CREB1: variants seen among roughly 807,000 people sequenced by gnomAD.
The protein encoded by CREB1 is cyclic AMP-responsive element-binding protein 1.
A neutral mutation model predicts 42.0 loss-of-function variants in CREB1; 2 were observed. That is an observed-to-expected ratio of 0.05 (90% CI 0.02 to 0.15). CREB1 has a LOEUF of 0.15. Ranked by LOEUF, CREB1 falls within the 10% of genes least tolerant of loss-of-function variation. The probability of loss-of-function intolerance (pLI) is 1.00; values close to 1 mark genes in which losing one functional copy is unlikely to be tolerated. For missense variants in CREB1, 199 were observed against 388.9 expected (o/e 0.51, Z 4.11); for synonymous variants, 123 against 139.9 (o/e 0.88, Z 0.85).
At chr2:207,571,622 T>G (rs1031161702) in intron 5 of CREB1, 4 of 316,046 alleles carry the variant, frequency 1.3e-5, no homozygotes, top group African/African-American at 8.9e-5. Context: ...TACCTACAAT[T>G]CTGTACGTGT....
At chr2:207,596,764 A>G (rs2086256195) in intron 7 of CREB1, 150 bp from the exon 8 acceptor site, 6 of 950,886 alleles carry the variant, frequency 6.3e-6, no homozygotes, top group South Asian at 5.2e-5. Context: ...GTAATTTCCA[A>G]GTAATTCTGT....
At position 207,555,836 on chromosome 2, in the gene CREB1, T is replaced by A. The variant is rs567278522; in HGVS notation, c.114+87T>A. On this transcript the variant is annotated intron_variant, in intron 2 of 7. Coordinates refer to ENST00000353267, the MANE Select transcript of CREB1 (RefSeq NM_004379.5). ...GAATTTAGTTGTTATTACATAGATA[T>A]ACATAGAATGAGCAGAGATACTCTT... 9.3e-5 allele frequency: 72 copies of A among 771,930 alleles called. No homozygotes were observed. In the South Asian group the frequency reaches 1.2e-3, roughly 12 times the overall value. 47.8% of individuals were successfully genotyped at this position (771,930 alleles called of 1,614,324 possible). A position where few individuals can be genotyped will look rare whatever the true frequency, so the allele number is the denominator to read the frequency against.
rs188480433 is a variant in CREB1, at chr2:207,531,161, C to T, written c.-9+1027C>T. Among the ~76,000 whole-genome samples, 3 of 152,214 alleles carry T rather than the reference C, an allele frequency of 2.0e-5. No homozygotes were observed. The East Asian group carries it at 5.8e-4, about 29-fold the overall frequency. On this transcript the variant is annotated intron_variant, in intron 1 of 7. Coordinates refer to ENST00000353267, the MANE Select transcript of CREB1 (RefSeq NM_004379.5). Reference sequence around the variant, plus strand: ...ACTTGAGATCTATCATTCTGAAACACTTCGTTGGAACGAGTATCAGCCGAT... The same window carrying T: ...ACTTGAGATCTATCATTCTGAAACATTTCGTTGGAACGAGTATCAGCCGAT...
At chr2:207,577,036 G>T (rs2082625217) in intron 6 of CREB1, 2 of 939,404 alleles carry the variant, frequency 2.1e-6, no homozygotes, top group Non-Finnish European at 2.5e-6. Flanking sequence ...TATAATAGTT[G>T]ACCATAATGC....
intron 7 of CREB1, among the ~76,000 whole-genome samples, chr2:207,579,245 T>A (rs966170773): frequency 6.6e-6 from 1 of 152,136 alleles, no homozygotes; most frequent in African/African-American, 2.4e-5. Context: ...TTTAAAAATG[T>A]TTATAAGGAA....
Position 207,604,733 on chromosome 2 carries a change from T to C in CREB1, c.*7675T>C, listed in dbSNP as rs979379647. ...CTCCAAAAGTAAAGTCCCGTTACTC[T>C]CCATTTTCTCCTCCCACCGCCCTTG... On this transcript the variant is annotated 3_prime_UTR_variant, in exon 8 of 8. Transcript: ENST00000353267. Among the ~76,000 whole-genome samples, 6 of 152,192 alleles carry C rather than the reference T, an allele frequency of 3.9e-5. No individual in the cohort carries two copies. The highest frequency in any genetic ancestry group is 5.9e-5 in the Non-Finnish European group (4 of 68,034).
intron 1 of CREB1, among the ~76,000 whole-genome samples, chr2:207,547,160 A>G (rs2081330799): frequency 6.6e-6 from 1 of 152,232 alleles, no homozygotes; most frequent in Admixed American, 6.5e-5. Flanking sequence ...TCACTCTTCC[A>G]TGTCCAATTT....
chr2:207,560,413 T>A lies in CREB1; in HGVS notation c.261+41T>A, dbSNP rs2081911194. 3 of 1,584,458 alleles carry A rather than the reference T, an allele frequency of 1.9e-6. No homozygotes were observed. The South Asian group carries it at 3.4e-5, about 18-fold the overall frequency. On this transcript the variant is annotated intron_variant, in intron 3 of 7. Transcript: ENST00000353267. ...GTTCTGCATCTATTTTAATAACTTTTGTTTATAGCCATATCTCTCTCCTTT... is the reference window on the plus strand; with the variant it reads ...GTTCTGCATCTATTTTAATAACTTTAGTTTATAGCCATATCTCTCTCCTTT...
At chr2:207,559,570 T>G (rs1462124611) in intron 2 of CREB1, among the ~76,000 whole-genome samples, 2 of 152,188 alleles carry the variant, frequency 1.3e-5, no homozygotes, top group African/African-American at 4.8e-5. Flanking sequence ...TATCCTTGAA[T>G]GTGTTCAAGC....
At chr2:207,534,882 C>G (rs527769802) in intron 1 of CREB1, among the ~76,000 whole-genome samples, 8 of 152,280 alleles carry the variant, frequency 5.3e-5, no homozygotes, top group Admixed American at 5.2e-4. Flanking sequence ...CAGTCTCCCC[C>G]TTTTTGTACA....
At chr2:207,588,523 A>G (rs1553508021) in intron 7 of CREB1, among the ~76,000 whole-genome samples, 2 of 152,180 alleles carry the variant, frequency 1.3e-5, no homozygotes, top group South Asian at 2.1e-4. Context: ...ACTTTAATGT[A>G]TATTTTATAA....
chr2:207,588,412 A>G (rs762725726), intron 7 of CREB1, among the ~76,000 whole-genome samples: 1 of 152,140 alleles, frequency 6.6e-6, no homozygotes, highest in Non-Finnish European at 1.5e-5. Flanking sequence ...CCTTTAGCCA[A>G]TACCATGTTG....
At chr2:207,564,006 AAAT>A (rs1307697621) in intron 3 of CREB1, among the ~76,000 whole-genome samples, 4 of 152,084 alleles carry the variant, frequency 2.6e-5, no homozygotes, top group Admixed American at 6.5e-5. Flanking sequence ...CTATCCTGAA[AAAT>A]AATATTATTT....
chr2:207,534,362 T>TA (rs1367388237), intron 1 of CREB1, among the ~76,000 whole-genome samples: 1 of 152,120 alleles, frequency 6.6e-6, no homozygotes, highest in Non-Finnish European at 1.5e-5. Context: ...TCAGCCTCCC[T>TA]AGTAGCTGGA....
intron 7 of CREB1, chr2:207,582,234 G>A (rs2083060247): frequency 5.9e-5 from 41 of 700,594 alleles, no homozygotes; most frequent in South Asian, 5.8e-4. Flanking sequence ...TATTTTAGAA[G>A]AAGTACTTGG....
intron 7 of CREB1, among the ~76,000 whole-genome samples, chr2:207,583,090 CTATTTACATAG>C (rs2083229155): frequency 6.6e-6 from 1 of 151,862 alleles, no homozygotes; most frequent in South Asian, 2.1e-4. Flanking sequence ...AGTATAACAA[CTATTTACATAG>C]TATTTACATT....
chr2:207,544,861 G>A (rs1559268760), intron 1 of CREB1, among the ~76,000 whole-genome samples: 1 of 152,178 alleles, frequency 6.6e-6, no homozygotes, highest in African/African-American at 2.4e-5. Context: ...TGAGGATAAA[G>A]GCCTCCAGCT....
chr2:207,582,194 A>C, intron 7 of CREB1: 1 of 702,884 alleles, frequency 1.4e-6, no homozygotes, highest in Non-Finnish European at 2.6e-6. Context: ...ATTTGTGGTC[A>C]TATGTTAAAA....
rs2086518237 is a variant in CREB1, at chr2:207,598,404, G to A, written c.*1346G>A. The stretch of plus-strand genomic sequence containing the variant: ...CCTGATTAAAACAGTCTGTATTTGT[G>A]TATATCATACATTGTTTTCAATACC... On this transcript the variant is annotated 3_prime_UTR_variant, in exon 8 of 8. Transcript: ENST00000353267. The A allele has an allele frequency of 5.6e-6, 1 of 178,510 alleles. No individual in the cohort carries two copies. The highest frequency in any genetic ancestry group is 6.4e-5 in the Admixed American group (1 of 15,720). 11.1% of individuals were successfully genotyped at this position (178,510 alleles called of 1,614,324 possible). A position where few individuals can be genotyped will look rare whatever the true frequency, so the allele number is the denominator to read the frequency against.
Sources: allele counts gnomAD v4.1 joint callset (sites outside exome capture counted in the v4.1 genomes callset), GRCh38; gene constraint gnomAD v4.1.1; transcripts MANE v1.5; gene names NCBI Gene and HGNC (gene_info 2026-07-23, HGNC 2026-07-21).